Variants in LRMDA observed in about 807,000 individuals in gnomAD.
LRMDA encodes the protein leucine-rich melanocyte differentiation-associated protein.
In LRMDA, 18 loss-of-function variants were observed where a neutral mutation model predicts 29.8. The ratio of observed to expected loss-of-function variants is 0.60; its 90% CI spans 0.42 to 0.90. The LOEUF (loss-of-function observed/expected upper bound fraction) is 0.90, where lower values mean the gene tolerates loss of function less well. Among genes scored for constraint, LRMDA ranks in the 40% least tolerant of loss-of-function variants. The pLI, the probability that LRMDA is intolerant of heterozygous loss-of-function variation, is 0.00. For synonymous variants in LRMDA, 125 were observed against 109.4 expected, an observed-to-expected ratio of 1.14 and a Z score of -0.89; for missense variants, 273 against 273.9, an observed-to-expected ratio of 1.00 and a Z score of 0.02.
intron 2 of LRMDA, among the ~76,000 whole-genome samples, chr10:75,827,635 A>G (rs1844270231): frequency 6.6e-6 from 1 of 152,238 alleles, no homozygotes; most frequent in South Asian, 2.1e-4. Flanking sequence ...GCTGTAAAGC[A>G]AAGTGCAAAA....
chr10:76,317,069 G>T (rs1564721856), intron 5 of LRMDA, among the ~76,000 whole-genome samples: 1 of 152,162 alleles, frequency 6.6e-6, no homozygotes, highest in African/African-American at 2.4e-5. Context: ...GTCAGGAGAA[G>T]GGCATCATGA....
chr10:76,507,737 A>G (rs544993337), intron 6 of LRMDA, among the ~76,000 whole-genome samples: 3 of 152,212 alleles, frequency 2.0e-5, no homozygotes, highest in South Asian at 4.1e-4. Context: ...TCCCACACCA[A>G]TCATTGAAGA....
chr10:76,514,774 T>G (rs1475116124), intron 6 of LRMDA, among the ~76,000 whole-genome samples: 1 of 152,128 alleles, frequency 6.6e-6, no homozygotes, highest in Non-Finnish European at 1.5e-5. Flanking sequence ...TCACATACTT[T>G]ATTACGCCAT....
intron 5 of LRMDA, among the ~76,000 whole-genome samples, chr10:76,289,630 A>G (rs1840314498): frequency 6.6e-6 from 1 of 152,224 alleles, no homozygotes; most frequent in Non-Finnish European, 1.5e-5. Context: ...TGGCATTTTC[A>G]GGAATACATT....
chr10:75,748,528 C>G (rs1030424965), intron 2 of LRMDA, among the ~76,000 whole-genome samples: 6 of 152,018 alleles, frequency 3.9e-5, no homozygotes, highest in African/African-American at 1.5e-4. Context: ...GAAATTTCTA[C>G]GTATTAAAAA....
At chr10:75,455,639 A>G (rs968140977) in intron 2 of LRMDA, among the ~76,000 whole-genome samples, 1 of 152,208 alleles carries the variant, frequency 6.6e-6, no homozygotes, top group African/African-American at 2.4e-5. Context: ...CCAGCAAAGC[A>G]GGTAAAATGA....
chr10:75,487,120 TTG>T (rs1844925087), intron 2 of LRMDA, among the ~76,000 whole-genome samples: 1 of 152,120 alleles, frequency 6.6e-6, no homozygotes, highest in Non-Finnish European at 1.5e-5. Context: ...TGATGTGTGG[TTG>T]GTAGGAAGTG....
At chr10:76,257,685 A>T (rs1307604337) in intron 5 of LRMDA, among the ~76,000 whole-genome samples, 1 of 152,144 alleles carries the variant, frequency 6.6e-6, no homozygotes, top group African/African-American at 2.4e-5. Context: ...AAACAATTCA[A>T]ATTGCTGAAA....
At chr10:75,954,315 C>A (rs147168131) in intron 2 of LRMDA, among the ~76,000 whole-genome samples, 1 of 152,304 alleles carries the variant, frequency 6.6e-6, no homozygotes, top group East Asian at 1.9e-4. Flanking sequence ...TGGGGTTATG[C>A]ACCTGACCAA....
intron 2 of LRMDA, among the ~76,000 whole-genome samples, chr10:75,822,932 G>A (rs1231082135): frequency 6.6e-6 from 1 of 152,116 alleles, no homozygotes; most frequent in Non-Finnish European, 1.5e-5. Context: ...AGAGCCATAT[G>A]CAGAAGAATG....
At chr10:76,487,190 T>C (rs1055139188) in intron 6 of LRMDA, among the ~76,000 whole-genome samples, 1 of 151,958 alleles carries the variant, frequency 6.6e-6, no homozygotes, top group Non-Finnish European at 1.5e-5. Flanking sequence ...GGCTCTTGAA[T>C]CTTGATTCCT....
intron 5 of LRMDA, among the ~76,000 whole-genome samples, chr10:76,141,061 G>A (rs943095143): frequency 3.9e-5 from 6 of 152,000 alleles, no homozygotes; most frequent in Non-Finnish European, 7.4e-5. Context: ...TTTGAGTCTT[G>A]TATTTTGTAT....
intron 2 of LRMDA, among the ~76,000 whole-genome samples, chr10:75,605,022 T>A (rs2132094127): frequency 6.6e-6 from 1 of 152,354 alleles, no homozygotes; most frequent in African/African-American, 2.4e-5. Context: ...CTATATTTTT[T>A]ATTTGACTTT....
Position 76,304,571 on chromosome 10 carries a change from A to G in LRMDA, c.517-19830A>G, listed in dbSNP as rs565800068. ...GGGTATGGGGTAGAGAGCTCCCATC[A>G]GAGGACAGTGCAGAGGCTGACTTAG... is the stretch of plus-strand genomic sequence containing the variant. On this transcript the variant is annotated intron_variant, in intron 5 of 6. Transcript: ENST00000611255. 3.3e-5 allele frequency among the ~76,000 whole-genome samples: 5 copies of G among 152,336 alleles called. No individual in the cohort carries two copies. In the South Asian group the frequency reaches 1.0e-3, roughly 32 times the overall value.
At chr10:75,496,324 A>G (rs963165916) in intron 2 of LRMDA, among the ~76,000 whole-genome samples, 4 of 152,306 alleles carry the variant, frequency 2.6e-5, no homozygotes, top group South Asian at 2.1e-4. Flanking sequence ...TAAAAAATCT[A>G]TAAAACAGAG....
At position 76,261,075 on chromosome 10, in the gene LRMDA, T is replaced by TTTC. The variant is rs1158706503; in HGVS notation, c.517-63324_517-63323insCTT. 1.4e-5 allele frequency among the ~76,000 whole-genome samples: 2 copies of TTTC among 146,472 alleles called. 1 individual carries two copies. The highest frequency in any genetic ancestry group is 3.9e-4 in the East Asian group (2 of 5,084). On this transcript the variant is annotated intron_variant, in intron 5 of 6. Coordinates refer to ENST00000611255, the MANE Select transcript of LRMDA (RefSeq NM_001305581.2). ...GTTTCTTTTCTTTTCTTTTTTTTTT[T>TTTC]TTTTTTTGAGACGGAGTCTCGCTCT...
At chr10:75,577,543 T>C (rs4746309) in intron 2 of LRMDA, among the ~76,000 whole-genome samples, 91,935 of 151,930 alleles carry the variant, frequency 0.61, 31,154 homozygotes, top group East Asian at 0.85. Context: ...GAGAACACCG[T>C]GAAGATACTC....
At chr10:76,044,331 T>C (rs1186417559) in intron 3 of LRMDA, among the ~76,000 whole-genome samples, 3 of 152,166 alleles carry the variant, frequency 2.0e-5, no homozygotes, top group South Asian at 4.2e-4. Flanking sequence ...GTCCTGGGTA[T>C]TGGAAGGGGA....
chr10:75,454,363 A>G (rs924419355), intron 2 of LRMDA, among the ~76,000 whole-genome samples: 7 of 152,048 alleles, frequency 4.6e-5, no homozygotes, highest in Non-Finnish European at 2.9e-5. Flanking sequence ...GGGTAGTAAA[A>G]CGGGCAGGAG....
Sources: allele counts gnomAD v4.1 joint callset (sites outside exome capture counted in the v4.1 genomes callset), GRCh38; gene constraint gnomAD v4.1.1; transcripts MANE v1.5; gene names NCBI Gene and HGNC (gene_info 2026-07-23, HGNC 2026-07-21).